KDM4C: variants seen among roughly 807,000 people sequenced by gnomAD.
KDM4C encodes the protein lysine-specific demethylase 4C.
KDM4C carries 81 observed loss-of-function variants against 129.3 expected under a neutral mutation model. The observed-to-expected ratio is 0.63, with a 90% CI of 0.52 to 0.75. The LOEUF is 0.75. KDM4C is among the 30% of genes least tolerant of loss of function. The probability of loss-of-function intolerance (pLI) is 0.00; values close to 1 mark genes in which losing one functional copy is unlikely to be tolerated. For synonymous variants in KDM4C, 573 were observed against 456.1 expected, an observed-to-expected ratio of 1.26 and a Z score of -3.26; for missense variants, 1,457 against 1,304.0, an observed-to-expected ratio of 1.12 and a Z score of -1.81.
In KDM4C at chr9:7,128,251, T is replaced by C. The variant is rs746783750; in HGVS notation, c.2781+15T>C. ...AGGATATCGTGGTAAGTAGGCTTCC[T>C]TGAGTGCCTGCTACCCAGAGTAATT... On this transcript the variant is annotated intron_variant, in intron 19 of 21. Transcript: ENST00000381309. 3.9e-6 allele frequency: 6 copies of C among 1,550,550 alleles called. No homozygotes were observed. Among genetic ancestry groups the C allele is most frequent in the Non-Finnish European group, 5.2e-6 (6 of 1,145,946 alleles).
intron 12 of KDM4C, among the ~76,000 whole-genome samples, chr9:7,011,024 C>T (rs968241308): frequency 6.6e-6 from 1 of 151,440 alleles, no homozygotes; most frequent in Non-Finnish European, 1.5e-5. Context: ...AGCCTGGGCA[C>T]GAAGAGCAAA....
At chr9:6,863,841 T>C (rs1263622859) in intron 5 of KDM4C, among the ~76,000 whole-genome samples, 1 of 147,848 alleles carries the variant, frequency 6.8e-6, no homozygotes, top group African/African-American at 2.5e-5. Flanking sequence ...AGGGCCAGGC[T>C]CTTTTTAACA....
chr9:6,963,518 A>G lies in KDM4C; in HGVS notation c.922-17407A>G, dbSNP rs1310096688. 3.3e-5 allele frequency among the ~76,000 whole-genome samples: 5 copies of G among 152,204 alleles called. No individual in the cohort carries two copies. The East Asian group carries it at 7.7e-4, about 23-fold the overall frequency. On this transcript the variant is annotated intron_variant, in intron 8 of 21. Coordinates refer to ENST00000381309, the MANE Select transcript of KDM4C (RefSeq NM_015061.6). ...TGTGGTAGGGGAGCTGACCTAGTCT[A>G]TGGGCATTTAAGGTGAAATATGAAG... is the stretch of plus-strand genomic sequence containing the variant.
intron 10 of KDM4C, among the ~76,000 whole-genome samples, chr9:6,984,925 CT>C (rs1432877733): frequency 2.0e-5 from 3 of 152,020 alleles, no homozygotes; most frequent in Non-Finnish European, 4.4e-5. Flanking sequence ...CCTTTTCTCC[CT>C]TTGGTAGCAT....
chr9:7,158,863 G>T (rs1843474850), intron 19 of KDM4C, among the ~76,000 whole-genome samples: 1 of 152,144 alleles, frequency 6.6e-6, no homozygotes, highest in African/African-American at 2.4e-5. Flanking sequence ...AGGTCTGCTT[G>T]GTGCAGAGCT....
intron 17 of KDM4C, among the ~76,000 whole-genome samples, chr9:7,070,820 C>T (rs1285776086): frequency 6.6e-6 from 1 of 152,172 alleles, no homozygotes; most frequent in Non-Finnish European, 1.5e-5. Flanking sequence ...GTTCCCATCA[C>T]TCCTATTCAA....
At chr9:7,053,677 GA>G (rs1013366749) in intron 17 of KDM4C, among the ~76,000 whole-genome samples, 1 of 152,138 alleles carries the variant, frequency 6.6e-6, no homozygotes, top group African/African-American at 2.4e-5. Context: ...ACATTTTAAT[GA>G]AAAATAAGTT....
chr9:7,149,299 C>G (rs1213973255), intron 19 of KDM4C, among the ~76,000 whole-genome samples: 1 of 152,242 alleles, frequency 6.6e-6, no homozygotes, highest in Non-Finnish European at 1.5e-5. Flanking sequence ...ACGATGGCAA[C>G]TTTGTTCCAC....
chr9:6,911,677 CT>C (rs1327032555), intron 8 of KDM4C, among the ~76,000 whole-genome samples: 2 of 152,164 alleles, frequency 1.3e-5, no homozygotes, highest in Admixed American at 1.3e-4. Context: ...TCCTTGATCT[CT>C]AAAATAAGTT....
chr9:6,749,063 A>G (rs1444877961), intron 1 of KDM4C: 2 of 533,902 alleles, frequency 3.7e-6, no homozygotes, highest in Non-Finnish European at 7.1e-6. Context: ...CTTGTTGCCC[A>G]GGCTGGAGTG....
intron 15 of KDM4C, among the ~76,000 whole-genome samples, chr9:7,025,411 T>G (rs1048039244): frequency 6.6e-6 from 1 of 152,220 alleles, no homozygotes; most frequent in African/African-American, 2.4e-5. Flanking sequence ...TGTCTTTTGC[T>G]TGTTTTGTGG....
At chr9:7,060,353 A>G (rs1831450940) in intron 17 of KDM4C, among the ~76,000 whole-genome samples, 1 of 151,000 alleles carries the variant, frequency 6.6e-6, no homozygotes. Flanking sequence ...TTAATTTGAA[A>G]CTGTTAACTG....
chr9:7,153,674 C>G (rs1163794250), intron 19 of KDM4C, among the ~76,000 whole-genome samples: 1 of 152,166 alleles, frequency 6.6e-6, no homozygotes. Context: ...ATCATGCAAA[C>G]TAGCGGTTAC....
At chr9:6,756,537 C>T (rs201565016), upstream of KDM4C, among the ~76,000 whole-genome samples, 2 of 152,138 alleles carry the variant, frequency 1.3e-5, no homozygotes, top group East Asian at 1.9e-4. Context: ...GCCAACATGG[C>T]GAAACCCTGT....
At chr9:6,856,578 G>GTA (rs1391455778) in intron 5 of KDM4C, among the ~76,000 whole-genome samples, 78 of 132,472 alleles carry the variant, frequency 5.9e-4, no homozygotes, top group African/African-American at 2.0e-3. Context: ...GTGTGTGTGT[G>GTA]TGTATTTTTT....
At chr9:7,156,530 T>G (rs1360849326) in intron 19 of KDM4C, among the ~76,000 whole-genome samples, 2 of 152,226 alleles carry the variant, frequency 1.3e-5, no homozygotes, top group African/African-American at 4.8e-5. Flanking sequence ...AATTTTTATA[T>G]AAGGTGTAAG....
intron 5 of KDM4C, among the ~76,000 whole-genome samples, chr9:6,875,691 G>T (rs376098616): frequency 2.6e-5 from 4 of 152,264 alleles, no homozygotes; most frequent in South Asian, 4.2e-4. Flanking sequence ...AGATGTGCCT[G>T]AGCACTTGAT....
At chr9:6,909,439 G>A (rs1035975595) in intron 8 of KDM4C, among the ~76,000 whole-genome samples, 2 of 152,154 alleles carry the variant, frequency 1.3e-5, no homozygotes, top group African/African-American at 4.8e-5. Flanking sequence ...ACATCCAGTG[G>A]CATTGTGCAT....
At chr9:6,921,829 C>G (rs1156287822) in intron 8 of KDM4C, among the ~76,000 whole-genome samples, 2 of 152,148 alleles carry the variant, frequency 1.3e-5, no homozygotes, top group Admixed American at 1.3e-4. Flanking sequence ...CTCCATGACC[C>G]TTGCCCACTC....
Sources: gnomAD v4.1 joint callset for allele counts (sites outside exome capture counted in the v4.1 genomes callset) on GRCh38, gnomAD v4.1.1 for gene constraint, MANE v1.5 for transcripts, NCBI Gene and HGNC (gene_info 2026-07-23, HGNC 2026-07-21) for gene names.